The following BTN3A3 variants were observed in gnomAD, a reference collection of about 807,000 sequenced individuals.
The protein encoded by BTN3A3 is butyrophilin subfamily 3 member A3, also known as butyrophilin 3.
Under a neutral mutation model 43.2 loss-of-function variants are expected in BTN3A3, and 39 were observed. The ratio of observed to expected loss-of-function variants is 0.90; its 90% CI spans 0.70 to 1.18. The LOEUF is 1.18. Among genes scored for constraint, BTN3A3 ranks in the 50% most tolerant of loss-of-function variants. The probability of loss-of-function intolerance (pLI) is 0.00; values close to 1 mark genes in which losing one functional copy is unlikely to be tolerated. For synonymous variants in BTN3A3, 255 were observed against 272.7 expected (o/e 0.93, Z 0.64); for missense variants, 631 against 722.8 (o/e 0.87, Z 1.46).
intron 8 of BTN3A3, chr6:26,449,138 A>G (rs1255872679): frequency 4.1e-6 from 1 of 241,012 alleles, no homozygotes; most frequent in Non-Finnish European, 8.0e-6. Flanking sequence ...AAGGAAAACA[A>G]GAATGGAAGA....
In BTN3A3 at chr6:26,453,192, ATTACAGGGATGTT is replaced by A. The variant is rs1762971395; in HGVS notation, c.*784_*796del. On this transcript the variant is annotated 3_prime_UTR_variant, in exon 11 of 11. Coordinates refer to ENST00000244519, the MANE Select transcript of BTN3A3 (RefSeq NM_006994.5). ...AATTTGGATCAAGGAAGCTAAAAGAATTACAGGGATGTTTTTAATCCCACTATGGACTCAGTCT... is the reference window on the plus strand; with the variant it reads ...AATTTGGATCAAGGAAGCTAAAAGAATTTAATCCCACTATGGACTCAGTCT... 6.6e-6 allele frequency: 1 copy of A among 152,156 alleles called. No homozygotes were observed. The highest frequency in any genetic ancestry group is 1.5e-5 in the Non-Finnish European group (1 of 68,026). 9.4% of individuals were successfully genotyped at this position (152,156 alleles called of 1,614,324 possible).
chr6:26,449,029 A>G (rs1174490679), intron 8 of BTN3A3, among the ~76,000 whole-genome samples: 1 of 152,136 alleles, frequency 6.6e-6, no homozygotes, highest in Non-Finnish European at 1.5e-5. Flanking sequence ...GCACTGAGGA[A>G]TATCCAGGGG....
intron 5 of BTN3A3, 38 bp downstream of exon 5, chr6:26,446,023 G>T (rs1366013191): frequency 6.2e-7 from 1 of 1,608,812 alleles, no homozygotes; most frequent in South Asian, 1.1e-5. Context: ...ACTGAGCTGA[G>T]CTGTGGCAGG....
chr6:26,450,768 T>G (rs865869857), intron 10 of BTN3A3, among the ~76,000 whole-genome samples: 1 of 152,108 alleles, frequency 6.6e-6, no homozygotes. Context: ...GGAGCTGTCT[T>G]CACTCCTAGC....
chr6:26,451,719 G>T lies in BTN3A3; in HGVS notation c.1063G>T (p.Val355Phe). ...AGACACGGCAAACGCCATCCTCCTT[G>T]TTTCTGAGGACCAGAGGAGTGTGCA... ...DPDTANAILLVSEDQRSVQRA... is the reference protein window; with the variant it reads ...DPDTANAILLFSEDQRSVQRA... Residue 355 changes from valine to phenylalanine, a missense_variant, in exon 11 of 11, where the codon GTT (valine) becomes TTT (phenylalanine). Physicochemically the swap from Val to Phe is conservative, Grantham distance 50. Transcript: ENST00000244519. 1 of 1,614,138 alleles carries T rather than the reference G, an allele frequency of 6.2e-7. No homozygotes were observed. Among genetic ancestry groups the T allele is most frequent in the Non-Finnish European group, 8.5e-7 (1 of 1,180,006 alleles).
chr6:26,440,998 T>A (rs1266874286), intron 1 of BTN3A3, among the ~76,000 whole-genome samples: 6 of 152,132 alleles, frequency 3.9e-5, no homozygotes, highest in Non-Finnish European at 8.8e-5. Context: ...GGCAAAAAAG[T>A]CGCTAAAATC....
Position 26,450,249 on chromosome 6 carries a change from G to T in BTN3A3, c.1018+116G>T, listed in dbSNP as rs115955554. ...AGTTCCCTTGACTAAGAAAGTTTGG[G>T]GTAGACAACATTAAATCCCAATCTG... On this transcript the variant is annotated intron_variant, in intron 10 of 10. Coordinates refer to ENST00000244519, the MANE Select transcript of BTN3A3 (RefSeq NM_006994.5). The T allele has an allele frequency of 8.9e-4, 1,145 of 1,286,400 alleles. 5 individuals carry two copies. The highest frequency in any genetic ancestry group is 8.4e-3 in the African/African-American group (560 of 66,938). 79.7% of individuals were successfully genotyped at this position (1,286,400 alleles called of 1,614,324 possible).
rs181680390 is a variant in BTN3A3, at chr6:26,452,046, T to A, written c.1390T>A (p.Phe464Ile). The A allele has an allele frequency of 2.5e-4, 406 of 1,614,164 alleles. 3 individuals carry two copies. In the East Asian group the frequency reaches 7.4e-3, roughly 29 times the overall value. Residue 464 changes from phenylalanine to isoleucine, a missense_variant, in exon 11 of 11, where the codon TTC becomes ATC. By Grantham distance (21) the Phe-to-Ile change is conservative. Coordinates refer to ENST00000244519, the MANE Select transcript of BTN3A3 (RefSeq NM_006994.5). ...TGAGCCTCCTAGGAAAGTGGGGATC[T>A]TCCTGGACTATGAGACTGGAGAGAT... ...LPEPPRKVGI[F>I]LDYETGEISF...
chr6:26,445,400 C>A, intron 4 of BTN3A3: 1 of 343,508 alleles, frequency 2.9e-6, no homozygotes, highest in Non-Finnish European at 5.4e-6. Context: ...GCTGCATTGC[C>A]TTGCTGAAGG....
chr6:26,448,815 G>A (rs557848808), intron 8 of BTN3A3, 61 bp downstream of exon 8: 6 of 1,604,438 alleles, frequency 3.7e-6, no homozygotes, highest in Non-Finnish European at 5.1e-6. Context: ...TCTTCTGCTT[G>A]GAAATTTTCC....
In BTN3A3 at chr6:26,444,269, T is replaced by C. The variant is rs1375979783; in HGVS notation, c.398T>C (p.Phe133Ser). ...TTGTGTTATTTCCAAGATGGTGACT[T>C]CTACGAAAAAGCCCTGGTGGAGCTG... Reference protein sequence around the residue: ...KYLCYFQDGDFYEKALVELKV... With the variant: ...KYLCYFQDGDSYEKALVELKV... Residue 133 changes from phenylalanine to serine, a missense_variant, in exon 4 of 11, where the codon TTC (phenylalanine) becomes TCC (serine). This residue lies in a region of BTN3A3 where 551 missense variants were observed against 584.0 expected (regional missense o/e 0.94). Coordinates refer to ENST00000244519, the MANE Select transcript of BTN3A3 (RefSeq NM_006994.5). The C allele has an allele frequency of 3.7e-6, 6 of 1,611,930 alleles. No individual in the cohort carries two copies. The highest frequency in any genetic ancestry group is 1.3e-5 in the African/African-American group (1 of 74,858).
intron 1 of BTN3A3, among the ~76,000 whole-genome samples, chr6:26,441,404 A>G (rs1261353574): frequency 6.6e-6 from 1 of 152,128 alleles, no homozygotes; most frequent in African/African-American, 2.4e-5. Flanking sequence ...ATACTTTACT[A>G]ATTTTGGCTA....
chr6:26,444,562 G>A (rs1020762240), intron 4 of BTN3A3: 6 of 618,452 alleles, frequency 9.7e-6, no homozygotes, highest in Non-Finnish European at 1.7e-5. Context: ...GAAGGACGAC[G>A]GATAGGAAAC....
chr6:26,449,733 T>C, intron 9 of BTN3A3, 45 bp downstream of exon 9: 1 of 1,610,502 alleles, frequency 6.2e-7, no homozygotes, highest in Non-Finnish European at 8.5e-7. Context: ...TCATGTACAA[T>C]GAACATTTCA....
rs1372328137 is a variant in BTN3A3, at chr6:26,452,196, A to G, written c.1540A>G (p.Ile514Val). The G allele has an allele frequency of 1.2e-6, 2 of 1,614,128 alleles. No individual in the cohort carries two copies. Among genetic ancestry groups the G allele is most frequent in the Non-Finnish European group, 1.7e-6 (2 of 1,180,004 alleles). ...GCCCACTGCCCTGACCATTTGCCCAATACCAAAAGAAGTAGAGAGTTCCCC... is the reference window on the plus strand; with the variant it reads ...GCCCACTGCCCTGACCATTTGCCCAGTACCAAAAGAAGTAGAGAGTTCCCC... ...LEPTALTICP[I>V]PKEVESSPDP... The change falls in exon 11 of 11, where the codon ATA (isoleucine) becomes GTA (valine). Residue 514 changes from isoleucine to valine, a missense_variant. This residue lies in a region of BTN3A3 where 551 missense variants were observed against 584.0 expected (regional missense o/e 0.94). Coordinates refer to ENST00000244519, the MANE Select transcript of BTN3A3 (RefSeq NM_006994.5).
Position 26,451,838 on chromosome 6 carries a change from A to G in BTN3A3, c.1182A>G (p.Arg394=). Residue 394 remains arginine (R), a synonymous_variant, in exon 11 of 11, where the codon AGA becomes AGG. Transcript: ENST00000244519. ...GCTGTGAAAACTTCACATCAGGGAG[A>G]CATTACTGGGAGGTGGAAGTGGGGG... ...VLGCENFTSG[R]HYWEVEVGDR... The G allele has an allele frequency of 6.2e-7, 1 of 1,614,158 alleles. No individual in the cohort carries two copies. Among genetic ancestry groups the G allele is most frequent in the Non-Finnish European group, 8.5e-7 (1 of 1,180,016 alleles).
chr6:26,442,062 C>G (rs952081753), intron 1 of BTN3A3, among the ~76,000 whole-genome samples: 3 of 152,126 alleles, frequency 2.0e-5, no homozygotes, highest in African/African-American at 7.2e-5. Context: ...AAGATCCAGG[C>G]GAGGGTGGAG....
intron 5 of BTN3A3, among the ~76,000 whole-genome samples, chr6:26,447,129 T>C (rs1196752597): frequency 1.3e-5 from 2 of 152,088 alleles, no homozygotes. Flanking sequence ...ACTGCCCAAC[T>C]GTGAAAGAAA....
At position 26,444,708 on chromosome 6, in the gene BTN3A3, T is replaced by C. The variant is rs1437578713; in HGVS notation, c.433+404T>C. On this transcript the variant is annotated intron_variant, in intron 4 of 10. Transcript: ENST00000244519. ...GAATGGTGACTGTATCTGCTGCCAG[T>C]GTTTTCCAATCAGTGACTCCCAGAA... 9.5e-6 allele frequency: 3 copies of C among 316,470 alleles called. No homozygotes were observed. In the East Asian group the frequency reaches 2.2e-4, roughly 24 times the overall value. The allele number at this position is 316,470 out of a possible 1,614,324, so 19.6% of individuals were successfully genotyped here.
Sources: allele counts gnomAD v4.1 joint callset (sites outside exome capture counted in the v4.1 genomes callset), GRCh38; gene constraint gnomAD v4.1.1; regional missense constraint gnomAD v4.1.1; transcripts MANE v1.5; gene names NCBI Gene and HGNC (gene_info 2026-07-23, HGNC 2026-07-21).